The following PAK1 variants were observed in gnomAD, a reference collection of about 807,000 sequenced individuals.
PAK1 encodes the protein p21 (RAC1) activated kinase 1.
PAK1 carries 29 observed loss-of-function variants against 67.4 expected under a neutral mutation model. That is an observed-to-expected ratio of 0.43 (90% CI 0.32 to 0.59). The LOEUF (loss-of-function observed/expected upper bound fraction) is 0.59. Among genes scored for constraint, PAK1 ranks in the 20% least tolerant of loss-of-function variants. PAK1 has a pLI of 0.07. For missense variants in PAK1, 337 were observed against 670.7 expected (o/e 0.50, Z 5.50); for synonymous variants, 223 against 237.4 (o/e 0.94, Z 0.56).
the PAK1 span, among the ~76,000 whole-genome samples, chr11:77,527,886 C>T: frequency 6.6e-6 from 1 of 151,894 alleles, no homozygotes; most frequent in Admixed American, 6.5e-5. Flanking sequence ...CGCTCTGTCA[C>T]CCAGGCTGGA....
the PAK1 span, among the ~76,000 whole-genome samples, chr11:77,485,308 T>G: frequency 6.6e-6 from 1 of 152,158 alleles, no homozygotes; most frequent in African/African-American, 2.4e-5. Context: ...TTTAAATAAC[T>G]AAAAGAGTAT....
chr11:77,381,737 G>A (rs1322386615), intron 2 of PAK1, among the ~76,000 whole-genome samples: 1 of 152,214 alleles, frequency 6.6e-6, no homozygotes, highest in Non-Finnish European at 1.5e-5. Flanking sequence ...AGGAAACTGA[G>A]TAATTTACTC....
intron 1 of PAK1, among the ~76,000 whole-genome samples, chr11:77,399,858 CAAAAAAAAAAA>C (rs34662738): frequency 1.7e-3 from 71 of 42,374 alleles, no homozygotes; most frequent in African/African-American, 4.5e-3. Flanking sequence ...GACTCCGTCT[CAAAAAAAAAAA>C]AAAAAAAAAA....
upstream of PAK1, among the ~76,000 whole-genome samples, chr11:77,478,593 C>G (rs191563347): frequency 6.6e-6 from 1 of 150,814 alleles, no homozygotes; most frequent in Non-Finnish European, 1.5e-5. Context: ...GGCAACATGG[C>G]GAAACCCCAA....
chr11:77,390,471 G>A (rs900687442), intron 2 of PAK1, among the ~76,000 whole-genome samples: 2 of 151,834 alleles, frequency 1.3e-5, no homozygotes, highest in African/African-American at 4.8e-5. Flanking sequence ...AAAGTGCTGG[G>A]ATTACAGGCA....
chr11:77,514,125 A>G, the PAK1 span, among the ~76,000 whole-genome samples: 2 of 152,208 alleles, frequency 1.3e-5, no homozygotes, highest in African/African-American at 4.8e-5. Flanking sequence ...GCTTCCATGA[A>G]TGGGAACCTA....
chr11:77,434,633 T>C (rs1956027547), intron 1 of PAK1, among the ~76,000 whole-genome samples: 1 of 151,846 alleles, frequency 6.6e-6, no homozygotes, highest in South Asian at 2.1e-4. Context: ...ATTTACTTAT[T>C]TATTGAGACA....
chr11:77,439,810 G>A lies in PAK1; in HGVS notation c.-22+33742C>T, dbSNP rs1437074322. Reference sequence around the variant, plus strand: ...AATTTAAATTGTCAAGAACCATCAGGTGCCTGGGTCTGTATCAGGGAAAAT... The same window carrying A: ...AATTTAAATTGTCAAGAACCATCAGATGCCTGGGTCTGTATCAGGGAAAAT... On this transcript the variant is annotated intron_variant, in intron 1 of 14. Transcript: ENST00000356341. 2.0e-5 allele frequency among the ~76,000 whole-genome samples: 3 copies of A among 152,148 alleles called. No homozygotes were observed. The East Asian group carries it at 5.8e-4, about 29-fold the overall frequency.
At chr11:77,500,776 T>G in the PAK1 span, among the ~76,000 whole-genome samples, 1 of 151,844 alleles carries the variant, frequency 6.6e-6, no homozygotes, top group African/African-American at 2.4e-5. Context: ...CTTGGGAGGT[T>G]GAGGCAGCAA....
intron 1 of PAK1, among the ~76,000 whole-genome samples, chr11:77,469,852 T>C (rs1227213450): frequency 6.6e-6 from 1 of 152,174 alleles, no homozygotes; most frequent in Non-Finnish European, 1.5e-5. Context: ...GTAATAATTG[T>C]ACATATTTAT....
intron 1 of PAK1, 52 bp from the exon 2 acceptor site, chr11:77,392,593 G>T (rs1951277264): frequency 3.6e-6 from 5 of 1,393,670 alleles, no homozygotes; most frequent in African/African-American, 2.9e-5. Flanking sequence ...TTGACCAAAA[G>T]GAAATACATG....
At chr11:77,349,154 C>T in intron 9 of PAK1, 85 bp downstream of exon 9, 1 of 860,986 alleles carries the variant, frequency 1.2e-6, no homozygotes, top group Non-Finnish European at 1.9e-6. Flanking sequence ...TAGAACTGTT[C>T]CTGTTGACCT....
intron 1 of PAK1, among the ~76,000 whole-genome samples, chr11:77,447,395 A>C (rs996143902): frequency 2.6e-5 from 4 of 152,228 alleles, no homozygotes; most frequent in Non-Finnish European, 5.9e-5. Context: ...TTTCATAAGC[A>C]CTAACACTGT....
chr11:77,373,937 T>A (rs1948763843), intron 5 of PAK1, among the ~76,000 whole-genome samples: 1 of 152,180 alleles, frequency 6.6e-6, no homozygotes, highest in Non-Finnish European at 1.5e-5. Context: ...GCACAGTGTA[T>A]CATCCTCATT....
At chr11:77,459,338 A>G (rs73496872) in intron 1 of PAK1, among the ~76,000 whole-genome samples, 4,382 of 152,278 alleles carry the variant, frequency 0.029, 200 homozygotes, top group African/African-American at 0.099. Flanking sequence ...TAGGTTACTA[A>G]AAGTCAAGGG....
chr11:77,395,804 T>C (rs1355248319), intron 1 of PAK1, among the ~76,000 whole-genome samples: 2 of 152,234 alleles, frequency 1.3e-5, no homozygotes, highest in Non-Finnish European at 2.9e-5. Context: ...ATCTTGTTAA[T>C]GCAGATTAAC....
intron 1 of PAK1, among the ~76,000 whole-genome samples, 160 bp from the exon 2 acceptor site, chr11:77,392,701 T>G (rs1481585474): frequency 6.6e-6 from 1 of 152,232 alleles, no homozygotes; most frequent in African/African-American, 2.4e-5. Context: ...CACTCACTGA[T>G]GTAAATGCCT....
intron 6 of PAK1, among the ~76,000 whole-genome samples, chr11:77,358,349 C>CAA (rs35487832): frequency 0.36 from 53,905 of 151,834 alleles, 9,720 homozygotes; most frequent in South Asian, 0.51. Context: ...TGGCTATTCT[C>CAA]AGAGATGCAG....
In PAK1 at chr11:77,349,837, C is replaced by A. The variant is rs550714478; in HGVS notation, c.837-550G>T. Among the ~76,000 whole-genome samples the A allele has an allele frequency of 3.3e-5, 5 of 151,290 alleles. No homozygotes were observed. The South Asian group carries it at 8.4e-4, about 25-fold the overall frequency. On this transcript the variant is annotated intron_variant, in intron 8 of 14. Transcript: ENST00000356341. ...GACAGGTGGGGAGAAAGGGGCCCTGCGGAGAATTTCAGAATGTGTTTGGGG... is the reference window on the plus strand; with the variant it reads ...GACAGGTGGGGAGAAAGGGGCCCTGAGGAGAATTTCAGAATGTGTTTGGGG...
Sources: allele counts gnomAD v4.1 joint callset (sites outside exome capture counted in the v4.1 genomes callset), GRCh38; gene constraint gnomAD v4.1.1; transcripts MANE v1.5; gene names NCBI Gene and HGNC (gene_info 2026-07-23, HGNC 2026-07-21).